The following IARS2 variants were observed in gnomAD, a reference collection of about 807,000 sequenced individuals.
IARS2 encodes the protein isoleucine--tRNA ligase, mitochondrial.
A neutral mutation model predicts 126.3 loss-of-function variants in IARS2; 56 were observed. The ratio of observed to expected loss-of-function variants is 0.44; its 90% CI spans 0.36 to 0.55. The LOEUF (loss-of-function observed/expected upper bound fraction) is 0.55, where lower values mean the gene tolerates loss of function less well. IARS2 is among the 20% of genes least tolerant of loss of function. The probability of loss-of-function intolerance (pLI) is 0.00; values close to 1 mark genes in which losing one functional copy is unlikely to be tolerated. For missense variants in IARS2, 1,127 were observed against 1,245.9 expected (o/e 0.90, Z 1.44); for synonymous variants, 407 against 441.1 (o/e 0.92, Z 0.97).
intron 11 of IARS2, among the ~76,000 whole-genome samples, chr1:220,111,923 G>A (rs1474039423): frequency 6.6e-6 from 1 of 151,608 alleles, no homozygotes; most frequent in Non-Finnish European, 1.5e-5. Context: ...GCTCTGCACC[G>A]ATTTTTGGTT....
At chr1:220,105,477 G>T (rs188695706) in intron 8 of IARS2, among the ~76,000 whole-genome samples, 4 of 152,096 alleles carry the variant, frequency 2.6e-5, no homozygotes, top group African/African-American at 9.7e-5. Flanking sequence ...CTGGTGTCAC[G>T]TAGCTACTAC....
intron 21 of IARS2, among the ~76,000 whole-genome samples, chr1:220,145,232 T>C (rs185760590): frequency 6.6e-6 from 1 of 152,326 alleles, no homozygotes; most frequent in East Asian, 1.9e-4. Context: ...TATAGGTTTT[T>C]TTTGTGTGTA....
intron 14 of IARS2, among the ~76,000 whole-genome samples, chr1:220,129,578 C>G (rs1187934669): frequency 6.6e-6 from 1 of 152,162 alleles, no homozygotes; most frequent in Non-Finnish European, 1.5e-5. Flanking sequence ...ACTTTTTTAG[C>G]TCCCACATAT....
rs1327353587 is a variant in IARS2 at position 220,140,298 on chromosome 1, G to C, written c.2414+9G>C. 1.4e-6 allele frequency: 2 copies of C among 1,473,574 alleles called. No individual in the cohort carries two copies. The highest frequency in any genetic ancestry group is 3.4e-5 in the Admixed American group (2 of 58,886). 91.3% of individuals were successfully genotyped at this position (1,473,574 alleles called of 1,614,324 possible). On this transcript the variant is annotated intron_variant, in intron 19 of 22. Coordinates refer to ENST00000366922, the MANE Select transcript of IARS2 (RefSeq NM_018060.4). ...AGTATAATCAAAGATAGGTATGTAT[G>C]ACTAAATATTAAAATGCTTAACAAT... is the stretch of plus-strand genomic sequence containing the variant.
chr1:220,110,711 TG>T, intron 10 of IARS2, 74 bp from the exon 11 acceptor site: 1 of 1,170,954 alleles, frequency 8.5e-7, no homozygotes, highest in Non-Finnish European at 1.2e-6. Context: ...TAGTATTTTC[TG>T]GAAGTTTAGA....
chr1:220,108,211 A>G (rs1488064024), intron 10 of IARS2, among the ~76,000 whole-genome samples: 1 of 150,274 alleles, frequency 6.7e-6, no homozygotes, highest in Non-Finnish European at 1.5e-5. Context: ...CAGGATACAC[A>G]CCACTACTCC....
chr1:220,102,538 G>A lies in IARS2; in HGVS notation c.793G>A (p.Val265Ile). ...AGAACTTGAATATAATCCTGAGCAT[G>A]TCAGTCGTTCAATATATGTAAAATT... ...EAELEYNPEHVSRSIYVKFPL... is the reference protein window; with the variant it reads ...EAELEYNPEHISRSIYVKFPL... Residue 265 changes from valine to isoleucine, a missense_variant, in exon 6 of 23, where the codon GTC (valine) becomes ATC (isoleucine). Transcript: ENST00000366922. 1.2e-6 allele frequency: 2 copies of A among 1,613,978 alleles called. No individual in the cohort carries two copies. The highest frequency in any genetic ancestry group is 1.7e-6 in the Non-Finnish European group (2 of 1,179,950).
chr1:220,111,594 ATATATGTGTG>A (rs969258083), intron 11 of IARS2, among the ~76,000 whole-genome samples: 13 of 139,690 alleles, frequency 9.3e-5, no homozygotes, highest in Non-Finnish European at 1.7e-4. Context: ...ATATATATAT[ATATATGTGTG>A]TGTGTGTGTG....
At chr1:220,131,492 CA>C (rs139118318) in intron 14 of IARS2, among the ~76,000 whole-genome samples, 10,889 of 152,140 alleles carry the variant, frequency 0.072, 523 homozygotes, top group South Asian at 0.15. Context: ...GCTGTGACTA[CA>C]GGCATGAGCC....
At chr1:220,112,555 C>CTTTTT (rs750583631) in intron 11 of IARS2, among the ~76,000 whole-genome samples, 2 of 116,106 alleles carry the variant, frequency 1.7e-5, no homozygotes, top group Non-Finnish European at 1.7e-5. Context: ...AAGATAAGCT[C>CTTTTT]TTTTTTTTTT....
chr1:220,133,632 C>G (rs1443656915), intron 14 of IARS2, among the ~76,000 whole-genome samples: 4 of 152,134 alleles, frequency 2.6e-5, no homozygotes, highest in African/African-American at 9.7e-5. Flanking sequence ...TAATCTTTAT[C>G]AACGACCTCA....
intron 22 of IARS2, among the ~76,000 whole-genome samples, 172 bp downstream of exon 22, chr1:220,145,825 T>G (rs1657575156): frequency 6.6e-6 from 1 of 152,220 alleles, no homozygotes; most frequent in African/African-American, 2.4e-5. Flanking sequence ...CTCTTAAAAC[T>G]ATCTTACCTG....
At chr1:220,129,774 G>A (rs1657222189) in intron 14 of IARS2, among the ~76,000 whole-genome samples, 1 of 152,070 alleles carries the variant, frequency 6.6e-6, no homozygotes, top group Admixed American at 6.6e-5. Context: ...AGTTAGACTG[G>A]TTCCATATCT....
intron 19 of IARS2, among the ~76,000 whole-genome samples, chr1:220,141,179 G>A (rs1009443905): frequency 6.6e-6 from 1 of 152,162 alleles, no homozygotes; most frequent in East Asian, 1.9e-4. Flanking sequence ...GCTTGATAAA[G>A]TGTTCAAAAA....
intron 5 of IARS2, 22 bp downstream of exon 5, chr1:220,102,434 A>G (rs1656597766): frequency 1.2e-6 from 2 of 1,612,422 alleles, no homozygotes; most frequent in South Asian, 1.1e-5. Context: ...TTTTTCGGTA[A>G]TTAAAAGGGA....
rs1657456975 is a variant in IARS2 at position 220,140,215 on chromosome 1, A to G, written c.2340A>G (p.Gly780=). 7 of 1,612,744 alleles carry G rather than the reference A, an allele frequency of 4.3e-6. No individual in the cohort carries two copies. The highest frequency in any genetic ancestry group is 5.9e-6 in the Non-Finnish European group (7 of 1,178,840). The change falls in exon 19 of 23, where the codon GGA becomes GGG. Residue 780 remains glycine (G), a synonymous_variant. Transcript: ENST00000366922. ...AATTATACAAACAATATGATTTTGGAAAAGTTGTTCGGCTGTTACGGACGT... is the reference window on the plus strand; with the variant it reads ...AATTATACAAACAATATGATTTTGGGAAAGTTGTTCGGCTGTTACGGACGT... ...ITELYKQYDF[G]KVVRLLRTFY... is the part of the protein sequence containing the mutation.
chr1:220,111,837 A>G (rs1212173758), intron 11 of IARS2, among the ~76,000 whole-genome samples: 2 of 152,068 alleles, frequency 1.3e-5, no homozygotes, highest in Non-Finnish European at 2.9e-5. Flanking sequence ...CAACTATAAT[A>G]TATAGTGCAT....
In IARS2 at chr1:220,140,474, G is replaced by A. The variant is rs113142024; in HGVS notation, c.2414+185G>A. On this transcript the variant is annotated intron_variant, in intron 19 of 22. Transcript: ENST00000366922. ...CATGCCTGTAATCCGAGTCACTCAG[G>A]AGACTGAGGCACGAGAATCGCTTGA... Among the ~76,000 whole-genome samples the A allele has an allele frequency of 4.2e-3, 637 of 152,252 alleles. 5 individuals are homozygous for A. The highest frequency in any genetic ancestry group is 0.014 in the African/African-American group (598 of 41,548).
chr1:220,105,352 A>G (rs890756674), intron 8 of IARS2, among the ~76,000 whole-genome samples: 2 of 152,208 alleles, frequency 1.3e-5, no homozygotes. Flanking sequence ...GAATTTAAAG[A>G]TCTTTTGTCT....
Sources: allele counts gnomAD v4.1 joint callset (sites outside exome capture counted in the v4.1 genomes callset), GRCh38; gene constraint gnomAD v4.1.1; transcripts MANE v1.5; gene names NCBI Gene and HGNC (gene_info 2026-07-23, HGNC 2026-07-21).